Variants in SELENOI observed in about 807,000 individuals in gnomAD.
SELENOI encodes selenoprotein I.
A neutral mutation model predicts 50.7 loss-of-function variants in SELENOI; 24 were observed. The ratio of observed to expected loss-of-function variants is 0.47; its 90% CI spans 0.34 to 0.67. The LOEUF (loss-of-function observed/expected upper bound fraction) is 0.67. Ranked by LOEUF, SELENOI falls within the 30% of genes least tolerant of loss-of-function variation. The pLI is 0.01. For synonymous variants in SELENOI, 155 were observed against 170.2 expected (o/e 0.91, Z 0.70); for missense variants, 352 against 461.4 (o/e 0.76, Z 2.17).
At chr2:26,387,017 G>C (rs922345592) in intron 9 of SELENOI, among the ~76,000 whole-genome samples, 17 of 152,118 alleles carry the variant, frequency 1.1e-4, no homozygotes, top group Non-Finnish European at 4.4e-5. Context: ...AAGCAGTTGT[G>C]GTGAGGGAGA....
chr2:26,373,603 C>T lies in SELENOI; in HGVS notation c.547C>T (p.Pro183Ser). 6.2e-7 allele frequency: 1 copy of T among 1,613,870 alleles called. No homozygotes were observed. Among genetic ancestry groups the T allele is most frequent in the Non-Finnish European group, 8.5e-7 (1 of 1,179,844 alleles). ...EKYNTGILFLPWGYDISQVTI... is the reference protein window; with the variant it reads ...EKYNTGILFLSWGYDISQVTI... ...GTATAACACAGGGATTCTTTTCCTG[C>T]CATGGGGATATGACATTAGCCAGGT... The change falls in exon 5 of 10, where the codon CCA (proline) becomes TCA (serine). Residue 183 changes from proline to serine, a missense_variant. Transcript: ENST00000260585.
chr2:26,360,284 G>C (rs975505183), intron 1 of SELENOI, among the ~76,000 whole-genome samples: 4 of 152,172 alleles, frequency 2.6e-5, no homozygotes. Flanking sequence ...TGTGTAAGGC[G>C]AGAGCACAGA....
intron 4 of SELENOI, among the ~76,000 whole-genome samples, chr2:26,371,895 G>A (rs1028636908): frequency 1.4e-4 from 21 of 152,012 alleles, no homozygotes; most frequent in Non-Finnish European, 2.5e-4. Flanking sequence ...GGGAGAGGGA[G>A]AGGGAGAGGG....
At chr2:26,352,855 A>AG (rs1676990401) in intron 1 of SELENOI, among the ~76,000 whole-genome samples, 1 of 151,890 alleles carries the variant, frequency 6.6e-6, no homozygotes, top group Non-Finnish European at 1.5e-5. Context: ...AAAAAAAAAA[A>AG]AAAACCAGAA....
At chr2:26,378,634 C>T (rs1278635376) in intron 6 of SELENOI, among the ~76,000 whole-genome samples, 3 of 152,216 alleles carry the variant, frequency 2.0e-5, no homozygotes, top group Non-Finnish European at 2.9e-5. Context: ...AGGCAAGCCA[C>T]GAACTCAGAG....
Position 26,364,377 on chromosome 2 carries a change from T to C in SELENOI, c.126+7T>C. On this transcript the variant is annotated splice_region_variant and intron_variant, in intron 2 of 9. Coordinates refer to ENST00000260585, the MANE Select transcript of SELENOI (RefSeq NM_033505.4). The stretch of plus-strand genomic sequence containing the variant: ...CTGGAACACTATAGTAAAGGTAAGA[T>C]AATTAATATGTATGTACTTTTTGTT... 6.6e-7 allele frequency: 1 copy of C among 1,518,624 alleles called. No individual in the cohort carries two copies. The highest frequency in any genetic ancestry group is 1.2e-5 in the South Asian group (1 of 83,360). The allele number at this position is 1,518,624 out of a possible 1,614,324, so 94.1% of individuals were successfully genotyped here.
rs575517236 is a variant in SELENOI at position 26,373,223 on chromosome 2, A to G, written c.311-144A>G. On this transcript the variant is annotated intron_variant, in intron 4 of 9. Coordinates refer to ENST00000260585, the MANE Select transcript of SELENOI (RefSeq NM_033505.4). Reference sequence around the variant, plus strand: ...TTGAAGTGTAGAATTAAATAATTAGATTTTTATAGTACCAGCTGATAGCTA... The same window carrying G: ...TTGAAGTGTAGAATTAAATAATTAGGTTTTTATAGTACCAGCTGATAGCTA... 1.0e-4 allele frequency: 103 copies of G among 1,016,448 alleles called. 1 individual carries two copies. The South Asian group carries it at 1.7e-3, about 17-fold the overall frequency. 63.0% of individuals were successfully genotyped at this position (1,016,448 alleles called of 1,614,324 possible). A position where few individuals can be genotyped will look rare whatever the true frequency, so the allele number is the denominator to read the frequency against.
intron 7 of SELENOI, 86 bp downstream of exon 7, chr2:26,383,433 G>A (rs900042050): frequency 1.1e-5 from 10 of 943,650 alleles, no homozygotes; most frequent in African/African-American, 1.0e-4. Context: ...TTTCCTTTTG[G>A]AGTCAGGACA....
intron 1 of SELENOI, among the ~76,000 whole-genome samples, chr2:26,347,969 C>T (rs1057029655): frequency 9.2e-5 from 14 of 152,086 alleles, no homozygotes; most frequent in Admixed American, 5.2e-4. Context: ...ATTTAGCAAG[C>T]GTCCAATGTT....
In SELENOI at chr2:26,391,381, G is replaced by A. The variant is rs1677964941; in HGVS notation, c.*2278G>A. The A allele has an allele frequency of 6.6e-6, 1 of 152,152 alleles. No homozygotes were observed. The highest frequency in any genetic ancestry group is 2.1e-4 in the South Asian group (1 of 4,822). The allele number at this position is 152,152 out of a possible 1,614,324, so 9.4% of individuals were successfully genotyped here. A position where few individuals can be genotyped will look rare whatever the true frequency, so the allele number is the denominator to read the frequency against. ...CCATTCTTGAAAGTGCATCTTGAGA[G>A]CCCCCATTTGTTGTGTAGAGATATA... On this transcript the variant is annotated 3_prime_UTR_variant, in exon 10 of 10. Transcript: ENST00000260585.
At chr2:26,365,960 C>T (rs562462413) in intron 3 of SELENOI, among the ~76,000 whole-genome samples, 2 of 152,204 alleles carry the variant, frequency 1.3e-5, no homozygotes, top group South Asian at 4.1e-4. Context: ...TACTTCCATG[C>T]CCAGCTAATT....
chr2:26,348,507 A>C (rs1452305767), intron 1 of SELENOI, among the ~76,000 whole-genome samples: 1 of 152,262 alleles, frequency 6.6e-6, no homozygotes, highest in Non-Finnish European at 1.5e-5. Context: ...CTGAAGCAGG[A>C]AACTATAAGA....
intron 6 of SELENOI, among the ~76,000 whole-genome samples, chr2:26,381,198 C>CTTTTTTTTTTTTTTTTTTTTGTTT (rs1677690123): frequency 3.3e-5 from 1 of 30,188 alleles, no homozygotes; most frequent in African/African-American, 1.8e-4. Flanking sequence ...TCAGTTTGGT[C>CTTTTTTTTTTTTTTTTTTTTGTTT]TTTTTTTTTT....
chr2:26,378,031 G>C lies in SELENOI; in HGVS notation c.682+2883G>C, dbSNP rs77033660. ...CATCACATTGTATTAAGTAGCTCTT[G>C]TCTCTGTTTGGTTATTTTCAGCTTT... On this transcript the variant is annotated intron_variant, in intron 6 of 9. Transcript: ENST00000260585. 9.7e-3 allele frequency among the ~76,000 whole-genome samples: 1,470 copies of C among 152,024 alleles called. 29 individuals are homozygous for C. The highest frequency in any genetic ancestry group is 0.033 in the African/African-American group (1,388 of 41,460).
chr2:26,367,295 T>C lies in SELENOI; in HGVS notation c.310+75T>C, dbSNP rs1574755759. 3.6e-6 allele frequency: 4 copies of C among 1,122,908 alleles called. No homozygotes were observed. In the East Asian group the frequency reaches 1.1e-4, roughly 30 times the overall value. 69.6% of individuals were successfully genotyped at this position (1,122,908 alleles called of 1,614,324 possible). The stretch of plus-strand genomic sequence containing the variant: ...AGGATAGCCACGTATTAAAATAACA[T>C]TTTCTCCTGTGCTTAATTCATTTTA... On this transcript the variant is annotated intron_variant, in intron 4 of 9. Transcript: ENST00000260585.
At chr2:26,381,680 T>A (rs945717400) in intron 6 of SELENOI, among the ~76,000 whole-genome samples, 3 of 152,204 alleles carry the variant, frequency 2.0e-5, no homozygotes, top group African/African-American at 7.2e-5. Flanking sequence ...TAAAAATTTC[T>A]GAGAACACTG....
At chr2:26,382,501 G>A (rs1677727676) in intron 6 of SELENOI, among the ~76,000 whole-genome samples, 1 of 152,118 alleles carries the variant, frequency 6.6e-6, no homozygotes, top group African/African-American at 2.4e-5. Context: ...CTGCAAAGTT[G>A]GAACACAGTG....
chr2:26,349,637 T>C (rs1246494327), intron 1 of SELENOI, among the ~76,000 whole-genome samples: 1 of 145,602 alleles, frequency 6.9e-6, no homozygotes, highest in Non-Finnish European at 1.5e-5. Context: ...GAGGGATTTT[T>C]CCCCACTTAT....
In SELENOI at chr2:26,395,809, T is replaced by C. The variant is rs1016996697; in HGVS notation, c.*6706T>C. The C allele has an allele frequency of 1.3e-5, 2 of 152,664 alleles. No individual in the cohort carries two copies. The highest frequency in any genetic ancestry group is 2.9e-5 in the Non-Finnish European group (2 of 68,036). The allele number at this position is 152,664 out of a possible 1,614,324, so 9.5% of individuals were successfully genotyped here. On this transcript the variant is annotated 3_prime_UTR_variant, in exon 10 of 10. Transcript: ENST00000260585. ...CCCAAAGTAATGCAGTAGGTTTTAA[T>C]TGAAAATTGTTTAATTCTATTATTG... is the stretch of plus-strand genomic sequence containing the variant.
Sources: gnomAD v4.1 joint callset for allele counts (sites outside exome capture counted in the v4.1 genomes callset) on GRCh38, gnomAD v4.1.1 for gene constraint, MANE v1.5 for transcripts, NCBI Gene and HGNC (gene_info 2026-07-23, HGNC 2026-07-21) for gene names.